Variants in ATRNL1 observed in about 807,000 individuals in gnomAD.
ATRNL1 encodes the protein attractin-like protein 1.
In ATRNL1, 95 loss-of-function variants were observed where a neutral mutation model predicts 182.7. The observed-to-expected ratio is 0.52, with a 90% CI of 0.44 to 0.62. The LOEUF is 0.62. Among genes scored for constraint, ATRNL1 ranks in the 20% least tolerant of loss-of-function variants. The pLI, the probability that ATRNL1 is intolerant of heterozygous loss-of-function variation, is 0.00. For synonymous variants in ATRNL1, 576 were observed against 568.3 expected (o/e 1.01, Z -0.19); for missense variants, 1,471 against 1,679.5 (o/e 0.88, Z 2.17).
intron 13 of ATRNL1, among the ~76,000 whole-genome samples, chr10:115,275,178 G>C (rs2133907898): frequency 6.6e-6 from 1 of 152,232 alleles, no homozygotes; most frequent in Non-Finnish European, 1.5e-5. Flanking sequence ...TTTTCTTTCA[G>C]CTGCTGAGTA....
At chr10:115,314,348 A>G (rs1386092858) in intron 17 of ATRNL1, among the ~76,000 whole-genome samples, 1 of 152,212 alleles carries the variant, frequency 6.6e-6, no homozygotes, top group Non-Finnish European at 1.5e-5. Context: ...AGTCAACGAT[A>G]TCAAGTTCCT....
chr10:115,520,385 A>T (rs1850864806), intron 25 of ATRNL1, among the ~76,000 whole-genome samples: 1 of 152,242 alleles, frequency 6.6e-6, no homozygotes, highest in Non-Finnish European at 1.5e-5. Context: ...GCCAGATAGT[A>T]AATATTTCAA....
intron 4 of ATRNL1, 129 bp from the exon 5 acceptor site, chr10:115,129,198 C>A: frequency 1.5e-6 from 1 of 649,592 alleles, no homozygotes; most frequent in South Asian, 2.2e-5. Context: ...ATTAAAACTA[C>A]ATTGTGAAAT....
intron 28 of ATRNL1, among the ~76,000 whole-genome samples, chr10:115,857,944 A>G (rs1555102508): frequency 6.6e-6 from 1 of 152,196 alleles, no homozygotes; most frequent in African/African-American, 2.4e-5. Context: ...TTCACTGTTA[A>G]TAATTACTGT....
intron 17 of ATRNL1, among the ~76,000 whole-genome samples, chr10:115,303,918 C>G (rs1304672268): frequency 3.9e-5 from 6 of 152,088 alleles, no homozygotes; most frequent in African/African-American, 7.2e-5. Flanking sequence ...GGGAAAGCAA[C>G]AGTTTCCCTC....
intron 26 of ATRNL1, among the ~76,000 whole-genome samples, chr10:115,639,771 A>G (rs1555029572): frequency 6.6e-6 from 1 of 152,150 alleles, no homozygotes; most frequent in African/African-American, 2.4e-5. Flanking sequence ...AAGAAGAGAG[A>G]GGGATAAAAT....
At chr10:115,872,627 A>C (rs1383530461) in intron 28 of ATRNL1, among the ~76,000 whole-genome samples, 3 of 152,248 alleles carry the variant, frequency 2.0e-5, no homozygotes, top group South Asian at 4.1e-4. Context: ...CAAGTCAAGC[A>C]GCTTAAGCAA....
At chr10:115,574,160 C>G (rs1555004374) in intron 26 of ATRNL1, among the ~76,000 whole-genome samples, 1 of 151,112 alleles carries the variant, frequency 6.6e-6, no homozygotes, top group Non-Finnish European at 1.5e-5. Context: ...ATAAGTACAG[C>G]CATTATATAT....
chr10:115,722,477 A>G (rs1947460494), intron 26 of ATRNL1, among the ~76,000 whole-genome samples: 1 of 152,170 alleles, frequency 6.6e-6, no homozygotes, highest in African/African-American at 2.4e-5. Context: ...ATGATACTAA[A>G]AGTTCTTGCC....
chr10:115,851,495 T>C (rs1287253854), intron 28 of ATRNL1, among the ~76,000 whole-genome samples: 1 of 152,170 alleles, frequency 6.6e-6, no homozygotes, highest in Non-Finnish European at 1.5e-5. Context: ...GTGAACTCCC[T>C]TCCTTATGGA....
chr10:115,470,148 T>C (rs1472692591), intron 24 of ATRNL1, among the ~76,000 whole-genome samples: 2 of 150,438 alleles, frequency 1.3e-5, no homozygotes, highest in Non-Finnish European at 3.0e-5. Flanking sequence ...TAGAAATGTT[T>C]GCAGGTTTTA....
At chr10:115,416,320 C>T (rs1002133076) in intron 20 of ATRNL1, among the ~76,000 whole-genome samples, 1 of 152,110 alleles carries the variant, frequency 6.6e-6, no homozygotes, top group African/African-American at 2.4e-5. Context: ...TTAAATGACA[C>T]ATGGAATTAA....
intron 28 of ATRNL1, among the ~76,000 whole-genome samples, chr10:115,895,989 C>T (rs1410253601): frequency 6.6e-6 from 1 of 152,014 alleles, no homozygotes; most frequent in Non-Finnish European, 1.5e-5. Flanking sequence ...TGCCATAATC[C>T]AAGAAAAGGA....
chr10:115,121,847 G>T lies in ATRNL1; in HGVS notation c.491+35G>T. On this transcript the variant is annotated intron_variant, in intron 3 of 28. Transcript: ENST00000355044. ...TATATTTAATCAGTTGCAGAAAAGT[G>T]ACTGTGTAATTGCTTCTTTAAATAT... The T allele has an allele frequency of 2.9e-6, 3 of 1,048,022 alleles. No homozygotes were observed. In the South Asian group the frequency reaches 4.6e-5, roughly 16 times the overall value. The allele number at this position is 1,048,022 out of a possible 1,614,324, so 64.9% of individuals were successfully genotyped here.
intron 19 of ATRNL1, among the ~76,000 whole-genome samples, chr10:115,357,899 C>A (rs1369456663): frequency 6.6e-6 from 1 of 151,488 alleles, no homozygotes; most frequent in Non-Finnish European, 1.5e-5. Flanking sequence ...TATATTCTCT[C>A]TCCATCCCTA....
At chr10:115,240,005 A>G (rs1162027946) in intron 9 of ATRNL1, among the ~76,000 whole-genome samples, 1 of 152,076 alleles carries the variant, frequency 6.6e-6, no homozygotes, top group Non-Finnish European at 1.5e-5. Context: ...TAGAATTTCT[A>G]TCATGCTGAA....
rs1844475641 is a variant in ATRNL1 at position 115,116,135 on chromosome 10, A to G, written c.294-4050A>G. On this transcript the variant is annotated intron_variant, in intron 1 of 28. Coordinates refer to ENST00000355044, the MANE Select transcript of ATRNL1 (RefSeq NM_207303.4). ...ACTCTGTCCTCGTAGTGTGTTAGCA[A>G]TCTTAGATAATACTTAAACAAACTA... Among the ~76,000 whole-genome samples the G allele has an allele frequency of 2.0e-5, 3 of 152,092 alleles. 1 individual carries two copies. Among genetic ancestry groups the G allele is most frequent in the Non-Finnish European group, 4.4e-5 (3 of 67,976 alleles).
intron 24 of ATRNL1, among the ~76,000 whole-genome samples, chr10:115,475,665 ATG>A (rs1253290362): frequency 6.6e-6 from 1 of 151,440 alleles, no homozygotes; most frequent in African/African-American, 2.4e-5. Context: ...CATGATGATT[ATG>A]TGAGATAGTT....
chr10:115,314,343 A>G (rs906991508), intron 17 of ATRNL1, among the ~76,000 whole-genome samples: 4 of 152,182 alleles, frequency 2.6e-5, no homozygotes, highest in Non-Finnish European at 4.4e-5. Context: ...TGCAGAGTCA[A>G]CGATATCAAG....
Sources: allele counts gnomAD v4.1 joint callset (sites outside exome capture counted in the v4.1 genomes callset), GRCh38; gene constraint gnomAD v4.1.1; transcripts MANE v1.5; gene names NCBI Gene and HGNC (gene_info 2026-07-23, HGNC 2026-07-21).